MAGI1: variants seen among roughly 807,000 people sequenced by gnomAD.
The protein encoded by MAGI1 is membrane-associated guanylate kinase, WW and PDZ domain-containing protein 1.
MAGI1 carries 58 observed loss-of-function variants against 139.9 expected under a neutral mutation model. The ratio of observed to expected loss-of-function variants is 0.41; its 90% CI spans 0.34 to 0.52. MAGI1 has a LOEUF of 0.52. Ranked by LOEUF, MAGI1 falls within the 20% of genes least tolerant of loss-of-function variation. The probability of loss-of-function intolerance (pLI) is 0.12; values close to 1 mark genes in which losing one functional copy is unlikely to be tolerated. For synonymous variants in MAGI1, 812 were observed against 737.9 expected (o/e 1.10, Z -1.63); for missense variants, 1,874 against 1,901.6 (o/e 0.99, Z 0.27).
intron 1 of MAGI1, among the ~76,000 whole-genome samples, chr3:65,668,800 C>T (rs1449409595): frequency 6.6e-6 from 1 of 151,376 alleles, no homozygotes; most frequent in Non-Finnish European, 1.5e-5. Flanking sequence ...GATCCACCTG[C>T]CTCGACCTCC....
rs143246754 is a variant in MAGI1, at chr3:65,478,642, G to A, written c.707C>T (p.Ala236Val). 93 of 1,613,922 alleles carry A rather than the reference G, an allele frequency of 5.8e-5. No homozygotes were observed. Among genetic ancestry groups the A allele is most frequent in the Admixed American group, 5.5e-4 (33 of 59,990 alleles). ...AACGTCATCCTCCTCCTCATTCTCC[G>A]CGTGGACTATGCCAGCATTTTGCAT... ...NDMQNAGIVH[A>V]ENEEEDDVPE... is the part of the protein sequence containing the mutation. Residue 236 changes from alanine (A) to valine (V), a missense_variant, in exon 4 of 23, where the codon GCG (alanine) becomes GTG (valine). Ala to Val is a moderately conservative substitution (Grantham distance 64). Transcript: ENST00000402939.
chr3:65,391,397 T>C (rs1264166999), intron 13 of MAGI1, 39 bp from the exon 14 acceptor site: 2 of 1,553,810 alleles, frequency 1.3e-6, no homozygotes, highest in Non-Finnish European at 1.8e-6. Flanking sequence ...AAGAAAAGAT[T>C]ATTATTGGTT....
At chr3:65,480,161 C>CAA (rs55886178) in intron 3 of MAGI1, among the ~76,000 whole-genome samples, 40,514 of 140,236 alleles carry the variant, frequency 0.29, 6,118 homozygotes, top group Middle Eastern at 0.33. Context: ...ACACAAGCAC[C>CAA]AAAAAAAAAA....
At chr3:66,010,793 A>G (rs1450595318) in intron 1 of MAGI1, among the ~76,000 whole-genome samples, 1 of 152,128 alleles carries the variant, frequency 6.6e-6, no homozygotes, top group Non-Finnish European at 1.5e-5. Context: ...ACCACTCACT[A>G]CCAACTTGGT....
At chr3:65,799,611 T>C (rs2040389002) in intron 1 of MAGI1, among the ~76,000 whole-genome samples, 1 of 152,178 alleles carries the variant, frequency 6.6e-6, no homozygotes. Context: ...AAGTATACTA[T>C]AGAATTTGGT....
chr3:65,734,487 G>T (rs2107748361), intron 1 of MAGI1, among the ~76,000 whole-genome samples: 1 of 147,346 alleles, frequency 6.8e-6, no homozygotes, highest in African/African-American at 2.5e-5. Flanking sequence ...AGAAGAGAAA[G>T]AAAGAGAGAA....
intron 1 of MAGI1, among the ~76,000 whole-genome samples, chr3:65,709,252 T>C (rs1329356818): frequency 2.6e-5 from 4 of 152,214 alleles, no homozygotes; most frequent in East Asian, 1.9e-4. Flanking sequence ...ACATTTCTTA[T>C]ACCAATCTCC....
At chr3:65,379,790 T>G (rs1434538403) in intron 16 of MAGI1, among the ~76,000 whole-genome samples, 3 of 152,202 alleles carry the variant, frequency 2.0e-5, no homozygotes, top group Admixed American at 6.5e-5. Flanking sequence ...GACTCCCAAA[T>G]AGCGTTTGTT....
At chr3:65,501,183 T>A (rs1027554454) in intron 2 of MAGI1, among the ~76,000 whole-genome samples, 38 of 151,900 alleles carry the variant, frequency 2.5e-4, no homozygotes, top group Non-Finnish European at 4.6e-4. Context: ...AAACTGCTTT[T>A]AAAAAAAATT....
intron 1 of MAGI1, among the ~76,000 whole-genome samples, chr3:65,674,763 C>T (rs929485384): frequency 1.3e-5 from 2 of 152,150 alleles, no homozygotes; most frequent in Admixed American, 6.5e-5. Flanking sequence ...TGGTGCACTT[C>T]CCAGGCACAT....
intron 3 of MAGI1, among the ~76,000 whole-genome samples, chr3:65,485,063 C>T (rs754728525): frequency 1.3e-5 from 2 of 152,136 alleles, no homozygotes; most frequent in Non-Finnish European, 2.9e-5. Flanking sequence ...GCAGATAGTG[C>T]ACATGAATTC....
At chr3:65,444,184 G>A (rs181663523) in intron 7 of MAGI1, among the ~76,000 whole-genome samples, 1 of 152,270 alleles carries the variant, frequency 6.6e-6, no homozygotes, top group East Asian at 1.9e-4. Context: ...TGACTTGTAG[G>A]AGACATAAGC....
At chr3:65,775,958 A>AC (rs397686363) in intron 1 of MAGI1, among the ~76,000 whole-genome samples, 2 of 150,812 alleles carry the variant, frequency 1.3e-5, no homozygotes, top group East Asian at 3.9e-4. Context: ...AAAAAAAAAA[A>AC]GTTTCTAATT....
chr3:65,527,945 T>A (rs2078467017), intron 2 of MAGI1, among the ~76,000 whole-genome samples: 1 of 150,994 alleles, frequency 6.6e-6, no homozygotes, highest in African/African-American at 2.4e-5. Flanking sequence ...TTAAGAGAGA[T>A]CATAAGAAGT....
chr3:65,625,824 A>G (rs1559732552), intron 1 of MAGI1, among the ~76,000 whole-genome samples: 2 of 152,240 alleles, frequency 1.3e-5, no homozygotes, highest in East Asian at 3.8e-4. Context: ...GGATATTTCT[A>G]GTGTTTCTAG....
At chr3:66,023,451 CA>C (rs2068067623) in intron 1 of MAGI1, among the ~76,000 whole-genome samples, 1 of 152,166 alleles carries the variant, frequency 6.6e-6, no homozygotes, top group African/African-American at 2.4e-5. Flanking sequence ...CCTAGTGCAG[CA>C]AACCTGGTGC....
intron 1 of MAGI1, among the ~76,000 whole-genome samples, chr3:65,942,218 GA>G (rs200308984): frequency 0.018 from 2,532 of 140,900 alleles, 40 homozygotes; most frequent in African/African-American, 0.05. Context: ...ACCATTTGCA[GA>G]AAAAAAAAAA....
intron 1 of MAGI1, among the ~76,000 whole-genome samples, chr3:65,859,956 C>T (rs1261803448): frequency 6.6e-6 from 1 of 150,936 alleles, no homozygotes; most frequent in Non-Finnish European, 1.5e-5. Flanking sequence ...AGGGCAATGG[C>T]GCGATCTCGG....
At chr3:66,001,630 T>A (rs2066746136) in intron 1 of MAGI1, among the ~76,000 whole-genome samples, 1 of 152,104 alleles carries the variant, frequency 6.6e-6, no homozygotes, top group Non-Finnish European at 1.5e-5. Flanking sequence ...TAAAATCACA[T>A]GACAAATAAG....
Sources: gnomAD v4.1 joint callset for allele counts (sites outside exome capture counted in the v4.1 genomes callset) on GRCh38, gnomAD v4.1.1 for gene constraint, MANE v1.5 for transcripts, NCBI Gene and HGNC (gene_info 2026-07-23, HGNC 2026-07-21) for gene names.